Variants in HAUS2 observed in about 807,000 individuals in gnomAD.
The protein encoded by HAUS2 is HAUS augmin like complex subunit 2, also known as HAUS augmin-like complex subunit 2.
A neutral mutation model predicts 21.6 loss-of-function variants in HAUS2; 20 were observed. That is an observed-to-expected ratio of 0.93 (90% confidence interval 0.65 to 1.35). The LOEUF is 1.35. Among genes scored for constraint, HAUS2 ranks in the 40% most tolerant of loss-of-function variants. The probability of loss-of-function intolerance (pLI) is 0.00; values close to 1 mark genes in which losing one functional copy is unlikely to be tolerated. For synonymous variants in HAUS2, 113 were observed against 95.6 expected, an observed-to-expected ratio of 1.18 and a Z score of -1.06; for missense variants, 297 against 280.7, an observed-to-expected ratio of 1.06 and a Z score of -0.42.
At chr15:42,550,997 C>CTT (rs56371573) in intron 1 of HAUS2, among the ~76,000 whole-genome samples, 165 of 132,806 alleles carry the variant, frequency 1.2e-3, no homozygotes, top group Non-Finnish European at 1.4e-3. Context: ...CTTTTCTTTT[C>CTT]TTTTTTTTTT....
intron 5 of HAUS2, among the ~76,000 whole-genome samples, chr15:42,564,268 TAA>T (rs750975585): frequency 7.7e-4 from 100 of 130,356 alleles, no homozygotes; most frequent in Middle Eastern, 3.8e-3. Flanking sequence ...CATCTCCCAT[TAA>T]AAAAAAAAAA....
intron 3 of HAUS2, among the ~76,000 whole-genome samples, chr15:42,560,041 G>T (rs967190648): frequency 6.6e-6 from 1 of 152,108 alleles, no homozygotes; most frequent in Non-Finnish European, 1.5e-5. Context: ...TGTAGTGCCA[G>T]TTACATGAAA....
intron 1 of HAUS2, among the ~76,000 whole-genome samples, chr15:42,550,969 C>T (rs538827644): frequency 2.0e-5 from 3 of 149,994 alleles, no homozygotes; most frequent in African/African-American, 7.3e-5. Context: ...ACCCGGCCCT[C>T]TCCTGTATTT....
In HAUS2 at chr15:42,568,543, G is replaced by T. The variant is rs1023134703; in HGVS notation, c.*1727G>T. 1 of 152,028 alleles carries T rather than the reference G, an allele frequency of 6.6e-6. No individual in the cohort carries two copies. The highest frequency in any genetic ancestry group is 6.6e-5 in the Admixed American group (1 of 15,252). 9.4% of individuals were successfully genotyped at this position (152,028 alleles called of 1,614,324 possible). On this transcript the variant is annotated 3_prime_UTR_variant, in exon 6 of 6. Coordinates refer to ENST00000260372, the MANE Select transcript of HAUS2 (RefSeq NM_018097.3). ...TTAAATTTCCAACACTTGAACTTTGGGGGACATATTTAAACCTTAACAGGA... is the reference window on the plus strand; with the variant it reads ...TTAAATTTCCAACACTTGAACTTTGTGGGACATATTTAAACCTTAACAGGA...
chr15:42,563,968 CAA>C, intron 5 of HAUS2, 111 bp downstream of exon 5: 1 of 681,670 alleles, frequency 1.5e-6, no homozygotes. Context: ...ATTTTTAAAT[CAA>C]GAAGTATTTT....
chr15:42,566,839 A>G lies in HAUS2; in HGVS notation c.*23A>G. On this transcript the variant is annotated 3_prime_UTR_variant, in exon 6 of 6. Transcript: ENST00000260372. ...TAGTCATCAACTTTATTTTTGCTTAATTATGTGTAGTCATATGAAGTCTAT... is the reference window on the plus strand; with the variant it reads ...TAGTCATCAACTTTATTTTTGCTTAGTTATGTGTAGTCATATGAAGTCTAT... 8.8e-7 allele frequency: 1 copy of G among 1,141,372 alleles called. No individual in the cohort carries two copies. Among genetic ancestry groups the G allele is most frequent in the Non-Finnish European group, 1.3e-6 (1 of 752,122 alleles). 70.7% of individuals were successfully genotyped at this position (1,141,372 alleles called of 1,614,324 possible). A position where few individuals can be genotyped will look rare whatever the true frequency, so the allele number is the denominator to read the frequency against.
intron 1 of HAUS2, among the ~76,000 whole-genome samples, chr15:42,549,812 CTTGG>C (rs2057702985): frequency 6.8e-6 from 1 of 147,462 alleles, no homozygotes; most frequent in Non-Finnish European, 1.5e-5. Context: ...AAGATAAGAC[CTTGG>C]AACGTGAATG....
intron 2 of HAUS2, 118 bp downstream of exon 2, chr15:42,558,408 A>G (rs919015410): frequency 1.1e-5 from 6 of 544,636 alleles, no homozygotes; most frequent in Non-Finnish European, 1.9e-5. Flanking sequence ...GCTCACTGCA[A>G]ACTCCGCCTC....
chr15:42,549,087 A>G lies in HAUS2; in HGVS notation c.93+122A>G, dbSNP rs139123506. ...CCTGGTTGGGGTCTGTACTAGAGTA[A>G]TAAGAGCCCCTTCCAGGCAACAGCC... On this transcript the variant is annotated intron_variant, in intron 1 of 5. Transcript: ENST00000260372. 579 of 614,466 alleles carry G rather than the reference A, an allele frequency of 9.4e-4. No individual in the cohort carries two copies. In the African/African-American group the frequency reaches 9.5e-3, roughly 10 times the overall value. 38.1% of individuals were successfully genotyped at this position (614,466 alleles called of 1,614,324 possible).
At chr15:42,551,718 C>T (rs2057727741) in intron 1 of HAUS2, among the ~76,000 whole-genome samples, 1 of 152,046 alleles carries the variant, frequency 6.6e-6, no homozygotes, top group Admixed American at 6.5e-5. Context: ...ATGCCTAAAC[C>T]AAAGGAGTAA....
intron 1 of HAUS2, among the ~76,000 whole-genome samples, chr15:42,557,783 GATAAATAATTCCATGAAGGCGAAAA>G (rs1353866867): frequency 1.5e-5 from 2 of 129,098 alleles, no homozygotes; most frequent in Non-Finnish European, 3.2e-5. Context: ...TAACGAATCA[GATAAATAATTCCATGAAGGCGAAAA>G]TATTTGATTT....
intron 1 of HAUS2, among the ~76,000 whole-genome samples, chr15:42,552,985 A>ATTT (rs34872260): frequency 1.5e-5 from 2 of 137,130 alleles, no homozygotes; most frequent in Non-Finnish European, 3.1e-5. Flanking sequence ...TGTTACCAGG[A>ATTT]TTTTTTTTTT....
chr15:42,553,796 G>C (rs1471903457), intron 1 of HAUS2, among the ~76,000 whole-genome samples: 3 of 152,104 alleles, frequency 2.0e-5, no homozygotes, highest in African/African-American at 7.2e-5. Flanking sequence ...CAGTGAACAG[G>C]TTGGTTACAA....
intron 5 of HAUS2, among the ~76,000 whole-genome samples, chr15:42,565,393 G>A (rs1234071232): frequency 1.0e-5 from 1 of 97,674 alleles, no homozygotes; most frequent in Non-Finnish European, 1.8e-5. Flanking sequence ...TTGAATGTGT[G>A]TGTGTGTGTG....
intron 3 of HAUS2, among the ~76,000 whole-genome samples, 181 bp from the exon 4 acceptor site, chr15:42,561,089 C>T (rs990460397): frequency 4.0e-5 from 6 of 151,898 alleles, no homozygotes; most frequent in South Asian, 2.1e-4. Flanking sequence ...ATACAAAAAC[C>T]GACTAAGAGA....
Position 42,561,794 on chromosome 15 carries a change from G to A in HAUS2, c.389+392G>A, listed in dbSNP as rs557688311. 1.3e-4 allele frequency: 24 copies of A among 182,092 alleles called. No individual in the cohort carries two copies. In the South Asian group the frequency reaches 2.8e-3, roughly 21 times the overall value. The allele number at this position is 182,092 out of a possible 1,614,324, so 11.3% of individuals were successfully genotyped here. ...GCAGATGAAAACACTATCAACTAAG[G>A]GAGGAAAAAACCTGGATTCTGTTCT... On this transcript the variant is annotated intron_variant, in intron 4 of 5. Transcript: ENST00000260372.
Position 42,563,876 on chromosome 15 carries a change from A to G in HAUS2, c.498+19A>G, listed in dbSNP as rs758952520. The G allele has an allele frequency of 1.0e-5, 11 of 1,086,886 alleles. No individual in the cohort carries two copies. In the South Asian group the frequency reaches 1.2e-4, roughly 12 times the overall value. The allele number at this position is 1,086,886 out of a possible 1,614,324, so 67.3% of individuals were successfully genotyped here. A position where few individuals can be genotyped will look rare whatever the true frequency, so the allele number is the denominator to read the frequency against. On this transcript the variant is annotated intron_variant, in intron 5 of 5. Coordinates refer to ENST00000260372, the MANE Select transcript of HAUS2 (RefSeq NM_018097.3). ...GAAAATGGTGAGTATTAATATAGCA[A>G]TCTTCAGTTATTTTTTACTAGAAAC...
rs751437769 is a variant in HAUS2, at chr15:42,563,857, GGTGA to G, written c.498+3_498+6del. The G allele has an allele frequency of 4.5e-6, 6 of 1,324,682 alleles. No individual in the cohort carries two copies. Among genetic ancestry groups the G allele is most frequent in the South Asian group, 3.7e-5 (3 of 82,136 alleles). 82.1% of individuals were successfully genotyped at this position (1,324,682 alleles called of 1,614,324 possible). A position where few individuals can be genotyped will look rare whatever the true frequency, so the allele number is the denominator to read the frequency against. On this transcript the variant is annotated splice_donor_variant and splice_donor_region_variant and intron_variant, in intron 5 of 5. Transcript: ENST00000260372. LOFTEE classifies it high-confidence loss of function. Reference sequence around the variant, plus strand: ...ATTTAGCTGCAAATCTAAAGAAAATGGTGAGTATTAATATAGCAATCTTCAGTTA... The same window carrying G: ...ATTTAGCTGCAAATCTAAAGAAAATGGTATTAATATAGCAATCTTCAGTTA...
At chr15:42,558,327 T>G (rs753973374) in intron 2 of HAUS2, 37 bp downstream of exon 2, 82 of 808,680 alleles carry the variant, frequency 1.0e-4, no homozygotes, top group African/African-American at 8.4e-4. Context: ...TTTTTTTTTT[T>G]TTTTTTTTTT....
Sources: allele counts gnomAD v4.1 joint callset (sites outside exome capture counted in the v4.1 genomes callset), GRCh38; gene constraint gnomAD v4.1.1; transcripts MANE v1.5; gene names NCBI Gene and HGNC (gene_info 2026-07-23, HGNC 2026-07-21).